EPHA6: variants seen among roughly 807,000 people sequenced by gnomAD.
The protein encoded by EPHA6 is ephrin type-A receptor 6.
Under a neutral mutation model 112.0 loss-of-function variants are expected in EPHA6, and 50 were observed. That is an observed-to-expected ratio of 0.45 (90% CI 0.36 to 0.56). EPHA6 has a LOEUF of 0.56. Ranked by LOEUF, EPHA6 falls within the 20% of genes least tolerant of loss-of-function variation. EPHA6 has a pLI of 0.00. For synonymous variants in EPHA6, 529 were observed against 490.7 expected (o/e 1.08, Z -1.03); for missense variants, 1,280 against 1,417.4 (o/e 0.90, Z 1.56).
chr3:97,290,029 G>A (rs2080621384), intron 5 of EPHA6, among the ~76,000 whole-genome samples: 1 of 151,808 alleles, frequency 6.6e-6, no homozygotes, highest in Non-Finnish European at 1.5e-5. Flanking sequence ...TCTTTATCTA[G>A]TTTTCATAGG....
intron 14 of EPHA6, among the ~76,000 whole-genome samples, chr3:97,671,794 A>G (rs552959837): frequency 8.5e-4 from 130 of 152,212 alleles, no homozygotes; most frequent in Non-Finnish European, 1.6e-3. Context: ...AAGTTTTGGG[A>G]CAAAAGATGA....
chr3:97,285,729 A>G (rs556205666), intron 5 of EPHA6, among the ~76,000 whole-genome samples: 8 of 152,148 alleles, frequency 5.3e-5, no homozygotes, highest in African/African-American at 1.7e-4. Context: ...CCTTTTGATA[A>G]ATACCCAGTA....
At chr3:97,523,639 A>T (rs2092576918) in intron 10 of EPHA6, among the ~76,000 whole-genome samples, 1 of 152,016 alleles carries the variant, frequency 6.6e-6, no homozygotes, top group Non-Finnish European at 1.5e-5. Flanking sequence ...TTACTGTATT[A>T]TACTATTACT....
At chr3:97,108,760 G>A (rs930622320) in intron 3 of EPHA6, among the ~76,000 whole-genome samples, 1 of 152,158 alleles carries the variant, frequency 6.6e-6, no homozygotes, top group Non-Finnish European at 1.5e-5. Context: ...TGGCACTGCT[G>A]TCATTCTCTT....
At chr3:97,235,726 T>G (rs1207857406) in intron 4 of EPHA6, among the ~76,000 whole-genome samples, 2 of 152,124 alleles carry the variant, frequency 1.3e-5, no homozygotes, top group African/African-American at 4.8e-5. Context: ...TTTGCCAAAA[T>G]TATAAGTCAA....
rs2035833876 is a variant in EPHA6 at position 97,749,200 on chromosome 3, T to C, written c.*499T>C. ...ATTATTACTTTATTTTTTAATACTT[T>C]AACTGTTGGTGCCTGATATTGTTAG... On this transcript the variant is annotated 3_prime_UTR_variant, in exon 18 of 18. Transcript: ENST00000389672. The C allele has an allele frequency of 4.5e-6, 1 of 222,386 alleles. No homozygotes were observed. The highest frequency in any genetic ancestry group is 6.6e-5 in the East Asian group (1 of 15,118). 13.8% of individuals were successfully genotyped at this position (222,386 alleles called of 1,614,324 possible). A position where few individuals can be genotyped will look rare whatever the true frequency, so the allele number is the denominator to read the frequency against.
intron 11 of EPHA6, among the ~76,000 whole-genome samples, chr3:97,573,046 A>T (rs925777222): frequency 6.6e-6 from 1 of 152,308 alleles, no homozygotes; most frequent in East Asian, 1.9e-4. Flanking sequence ...ATATTTTATC[A>T]CTATATGTAT....
chr3:96,821,048 T>A (rs1191692003), intron 1 of EPHA6, among the ~76,000 whole-genome samples: 23 of 151,922 alleles, frequency 1.5e-4, no homozygotes, highest in Admixed American at 1.5e-3. Flanking sequence ...TCTGTTTAAA[T>A]GAAGAAATGT....
At chr3:97,721,425 C>A (rs4857288) in intron 15 of EPHA6, among the ~76,000 whole-genome samples, 94,839 of 151,956 alleles carry the variant, frequency 0.62, 29,878 homozygotes, top group South Asian at 0.74. Context: ...GTTGGCTGGC[C>A]ATGGCTAGTG....
chr3:97,143,326 TA>T, intron 3 of EPHA6, among the ~76,000 whole-genome samples: 1 of 151,784 alleles, frequency 6.6e-6, no homozygotes, highest in East Asian at 1.9e-4. Context: ...CCTGAATCTA[TA>T]AAAATAATAA....
intron 5 of EPHA6, among the ~76,000 whole-genome samples, chr3:97,378,160 CT>C (rs1404837148): frequency 6.6e-6 from 1 of 152,102 alleles, no homozygotes; most frequent in African/African-American, 2.4e-5. Flanking sequence ...ACTTGTTGCC[CT>C]GCGTCCCAGC....
At chr3:97,152,475 TGAAAA>T (rs369741794) in intron 3 of EPHA6, among the ~76,000 whole-genome samples, 9 of 150,730 alleles carry the variant, frequency 6.0e-5, no homozygotes, top group Middle Eastern at 7.0e-3. Flanking sequence ...TTTAGATACT[TGAAAA>T]GAAAGGAAAA....
intron 13 of EPHA6, among the ~76,000 whole-genome samples, chr3:97,633,411 A>T (rs958169724): frequency 6.6e-6 from 1 of 152,098 alleles, no homozygotes; most frequent in Non-Finnish European, 1.5e-5. Flanking sequence ...ACCATATGTC[A>T]TAAAAAAATT....
At chr3:97,625,971 T>C (rs1427266797) in intron 13 of EPHA6, among the ~76,000 whole-genome samples, 1 of 151,736 alleles carries the variant, frequency 6.6e-6, no homozygotes, top group Non-Finnish European at 1.5e-5. Flanking sequence ...TGATGCCTGA[T>C]TCTATTGCAT....
chr3:97,000,705 G>C (rs899628442), intron 3 of EPHA6, among the ~76,000 whole-genome samples: 50 of 151,592 alleles, frequency 3.3e-4, no homozygotes, highest in Admixed American at 5.3e-4. Flanking sequence ...ACAAGGTAAA[G>C]GTTTTTAGTG....
intron 3 of EPHA6, among the ~76,000 whole-genome samples, chr3:97,025,946 C>G (rs2044622341): frequency 6.6e-6 from 1 of 152,144 alleles, no homozygotes; most frequent in Admixed American, 6.6e-5. Context: ...AGGTGGGGGT[C>G]CAGTTTCAAT....
chr3:97,154,304 C>G (rs964224829), intron 3 of EPHA6, among the ~76,000 whole-genome samples: 1 of 151,968 alleles, frequency 6.6e-6, no homozygotes, highest in Non-Finnish European at 1.5e-5. Flanking sequence ...TTTTCTTCCC[C>G]TATGTATATT....
intron 5 of EPHA6, among the ~76,000 whole-genome samples, chr3:97,357,896 T>C (rs896516213): frequency 6.6e-6 from 1 of 152,198 alleles, no homozygotes; most frequent in Non-Finnish European, 1.5e-5. Context: ...ATAAAGGTCT[T>C]CATCTTGGTC....
chr3:97,515,281 G>C (rs1333617236), intron 10 of EPHA6, among the ~76,000 whole-genome samples: 1 of 152,210 alleles, frequency 6.6e-6, no homozygotes, highest in African/African-American at 2.4e-5. Context: ...TGTGGCCAAA[G>C]GGCAAGTGAA....
Sources: gnomAD v4.1 joint callset for allele counts (sites outside exome capture counted in the v4.1 genomes callset) on GRCh38, gnomAD v4.1.1 for gene constraint, MANE v1.5 for transcripts, NCBI Gene and HGNC (gene_info 2026-07-23, HGNC 2026-07-21) for gene names.